The following HIVEP1 variants were observed in gnomAD, a reference collection of about 807,000 sequenced individuals.
The protein encoded by HIVEP1 is HIVEP zinc finger 1, also known as zinc finger protein 40.
Under a neutral mutation model 180.0 loss-of-function variants are expected in HIVEP1, and 36 were observed. The ratio of observed to expected loss-of-function variants is 0.20; its 90% CI spans 0.15 to 0.26. The LOEUF is 0.26. HIVEP1 is among the 10% of genes least tolerant of loss of function. The probability of loss-of-function intolerance (pLI) is 1.00; values close to 1 mark genes in which losing one functional copy is unlikely to be tolerated. For missense variants in HIVEP1, 3,143 were observed against 3,268.7 expected (o/e 0.96, Z 0.94); for synonymous variants, 1,239 against 1,239.0 (o/e 1.00, Z 0.00).
chr6:12,121,067 T>C lies in HIVEP1; in HGVS notation c.1272T>C (p.His424=). 1 of 1,614,224 alleles carries C rather than the reference T, an allele frequency of 6.2e-7. No individual in the cohort carries two copies. ...CAAAGCCTAGTGTGCTTTTAAAGCATATCCGCTCCCACACTGGAGAGCGAC... is the reference window on the plus strand; with the variant it reads ...CAAAGCCTAGTGTGCTTTTAAAGCACATCCGCTCCCACACTGGAGAGCGAC... The part of the protein sequence containing the change: ...ACAKPSVLLK[H]IRSHTGERPY... The change falls in exon 4 of 9, where the codon CAT becomes CAC. Residue 424 remains histidine (H), a synonymous_variant. Coordinates refer to ENST00000379388, the MANE Select transcript of HIVEP1 (RefSeq NM_002114.4). The surrounding 1 kb of genome is among the most constrained non-coding windows in gnomAD (Gnocchi z 5.3).
chr6:12,191,823 C>T, the HIVEP1 span, among the ~76,000 whole-genome samples: 1 of 152,072 alleles, frequency 6.6e-6, no homozygotes, highest in African/African-American at 2.4e-5. Context: ...ATGCTCACTA[C>T]GAAAACACAA....
the HIVEP1 span, among the ~76,000 whole-genome samples, chr6:12,190,571 C>T: frequency 6.6e-6 from 1 of 152,174 alleles, no homozygotes; most frequent in East Asian, 1.9e-4. Context: ...CTTTCTTATT[C>T]TTTTGGCTTT....
chr6:12,018,513 T>C (rs1767983879), intron 2 of HIVEP1, among the ~76,000 whole-genome samples: 1 of 152,202 alleles, frequency 6.6e-6, no homozygotes, highest in African/African-American at 2.4e-5. Flanking sequence ...GAAAGAAGAA[T>C]GGAGTTGAAG....
chr6:12,069,962 G>GAC (rs146472999), intron 2 of HIVEP1, among the ~76,000 whole-genome samples: 17 of 151,278 alleles, frequency 1.1e-4, no homozygotes, highest in African/African-American at 3.2e-4. Context: ...TAAGAACTAA[G>GAC]ACACACACAC....
chr6:12,161,408 C>G, intron 7 of HIVEP1, 31 bp from the exon 8 acceptor site: 8 of 1,579,758 alleles, frequency 5.1e-6, no homozygotes, highest in Non-Finnish European at 6.9e-6. Context: ...GGAAAGCATT[C>G]CATCACATAC....
intron 2 of HIVEP1, among the ~76,000 whole-genome samples, chr6:12,069,300 A>G (rs961462450): frequency 6.6e-6 from 1 of 152,122 alleles, no homozygotes; most frequent in Non-Finnish European, 1.5e-5. Flanking sequence ...AAAGATAAAA[A>G]ATTCATACAA....
chr6:12,115,350 C>CTTTTTTTTTTTTTTTTTTTTTT (rs34074662), intron 3 of HIVEP1, among the ~76,000 whole-genome samples: 1 of 75,296 alleles, frequency 1.3e-5, no homozygotes, highest in African/African-American at 5.4e-5. Flanking sequence ...CCCAACTATT[C>CTTTTTTTTTTTTTTTTTTTTTT]TTTTTTTTTT....
intron 2 of HIVEP1, among the ~76,000 whole-genome samples, chr6:12,049,124 C>A (rs1351391765): frequency 1.3e-5 from 2 of 152,128 alleles, no homozygotes; most frequent in African/African-American, 2.4e-5. Context: ...GCCTTTATAA[C>A]CAGAACATTT....
chr6:12,029,487 C>T (rs1768794623), intron 2 of HIVEP1, among the ~76,000 whole-genome samples: 1 of 152,134 alleles, frequency 6.6e-6, no homozygotes, highest in Non-Finnish European at 1.5e-5. Flanking sequence ...CTGTTTGCTT[C>T]ATACTTTTGT....
intron 4 of HIVEP1, among the ~76,000 whole-genome samples, chr6:12,127,854 G>A (rs554325857): frequency 4.7e-4 from 72 of 152,212 alleles, no homozygotes; most frequent in Non-Finnish European, 1.0e-3. Context: ...AGGCAAATGG[G>A]TATATCTGGA....
chr6:12,150,788 T>A (rs1425142278), intron 7 of HIVEP1, among the ~76,000 whole-genome samples: 1 of 151,912 alleles, frequency 6.6e-6, no homozygotes, highest in African/African-American at 2.4e-5. Context: ...ATCTTTAAAA[T>A]ATATATATAT....
chr6:12,090,837 T>C (rs1581663277), intron 3 of HIVEP1, among the ~76,000 whole-genome samples: 1 of 151,398 alleles, frequency 6.6e-6, no homozygotes, highest in South Asian at 2.1e-4. Flanking sequence ...GTTACTTCTT[T>C]GGCAAGAGTT....
chr6:12,082,519 A>G (rs536762975), intron 2 of HIVEP1, among the ~76,000 whole-genome samples: 22 of 152,250 alleles, frequency 1.4e-4, no homozygotes, highest in Admixed American at 4.6e-4. Flanking sequence ...ATTTTTTCAT[A>G]GAAAGCCCTA....
intron 3 of HIVEP1, among the ~76,000 whole-genome samples, chr6:12,102,568 T>C (rs1774173497): frequency 1.3e-5 from 2 of 152,182 alleles, no homozygotes; most frequent in Non-Finnish European, 2.9e-5. Context: ...AACATTGCTG[T>C]CATACTGATA....
At chr6:12,011,909 C>T (rs966584512), upstream of HIVEP1, 2 of 143,746 alleles carry the variant, frequency 1.4e-5, no homozygotes, top group African/African-American at 5.0e-5. Context: ...GCCTCCCCTC[C>T]TCCCGCCCCC....
rs1413278502 is a variant in HIVEP1 at position 12,123,746 on chromosome 6, T to C, written c.3951T>C (p.Ser1317=). ...AGAGCAGTTTATCTCACACTTCAAG[T>C]TTCTCAGCCTCTTTAGACATAGAGG... is the stretch of plus-strand genomic sequence containing the variant. The part of the protein sequence containing the change: ...SRESSLSHTS[S]FSASLDIEDV... The change falls in exon 4 of 9, where the codon AGT becomes AGC. Residue 1317 remains serine, a synonymous_variant. Transcript: ENST00000379388. 1 of 1,614,166 alleles carries C rather than the reference T, an allele frequency of 6.2e-7. No individual in the cohort carries two copies. Among genetic ancestry groups the C allele is most frequent in the Non-Finnish European group, 8.5e-7 (1 of 1,180,014 alleles).
chr6:12,051,055 C>T (rs1006288492), intron 2 of HIVEP1, among the ~76,000 whole-genome samples: 4 of 106,920 alleles, frequency 3.7e-5, no homozygotes, highest in East Asian at 2.8e-4. Flanking sequence ...AATATCAGGA[C>T]GACAGGGTTT....
At chr6:12,012,619 CGG>C (rs1375268394) in intron 1 of HIVEP1, 53 bp downstream of exon 1, 1 of 4,312 alleles carries the variant, frequency 2.3e-4, no homozygotes, top group African/African-American at 1.6e-3. Context: ...GGCGGCGGGG[CGG>C]AGGGGGGGGG....
intron 6 of HIVEP1, 35 bp from the exon 7 acceptor site, chr6:12,135,756 C>G: frequency 7.4e-7 from 1 of 1,348,882 alleles, no homozygotes; most frequent in Non-Finnish European, 1.1e-6. Flanking sequence ...CAAAATCATA[C>G]TACTTAAGCT....
Sources: allele counts gnomAD v4.1 joint callset (sites outside exome capture counted in the v4.1 genomes callset), GRCh38; gene constraint gnomAD v4.1.1; non-coding constraint Gnocchi (gnomAD v3.1); transcripts MANE v1.5; gene names NCBI Gene and HGNC (gene_info 2026-07-23, HGNC 2026-07-21).